Variants in CSMD1 observed in about 807,000 individuals in gnomAD.
CSMD1 encodes the protein CUB and Sushi multiple domains 1.
Under a neutral mutation model 417.5 loss-of-function variants are expected in CSMD1, and 213 were observed. The observed-to-expected ratio is 0.51, with a 90% CI of 0.46 to 0.57. The LOEUF (loss-of-function observed/expected upper bound fraction) is 0.57. Ranked by LOEUF, CSMD1 falls within the 20% of genes least tolerant of loss-of-function variation. The pLI is 0.00. For synonymous variants in CSMD1, 2,862 were observed against 1,736.8 expected, an observed-to-expected ratio of 1.65 and a Z score of -16.11; for missense variants, 6,923 against 4,529.7, an observed-to-expected ratio of 1.53 and a Z score of -15.17.
At chr8:3,294,102 G>C (rs1378600585) in intron 25 of CSMD1, among the ~76,000 whole-genome samples, 3 of 152,204 alleles carry the variant, frequency 2.0e-5, no homozygotes, top group East Asian at 1.9e-4. Flanking sequence ...TCCGGACCCT[G>C]TTTGCCTGGG....
intron 3 of CSMD1, among the ~76,000 whole-genome samples, chr8:4,214,124 GT>G (rs778863688): frequency 1.4e-5 from 2 of 144,930 alleles, no homozygotes; most frequent in African/African-American, 5.8e-5. Flanking sequence ...TTTTTTGTTT[GT>G]TTTGTTTTGG....
At chr8:3,732,544 G>C (rs1377118139) in intron 6 of CSMD1, among the ~76,000 whole-genome samples, 1 of 152,152 alleles carries the variant, frequency 6.6e-6, no homozygotes, top group Non-Finnish European at 1.5e-5. Context: ...TAATTTCTTA[G>C]TACATTCTAC....
At chr8:3,354,802 T>C (rs929348936) in intron 21 of CSMD1, among the ~76,000 whole-genome samples, 1 of 129,840 alleles carries the variant, frequency 7.7e-6, no homozygotes, top group Non-Finnish European at 1.7e-5. Flanking sequence ...CACTAAACTC[T>C]CTCTCTCTCT....
At chr8:4,715,577 G>A (rs4875114) in intron 1 of CSMD1, among the ~76,000 whole-genome samples, 67,126 of 151,810 alleles carry the variant, frequency 0.44, 15,077 homozygotes, top group Admixed American at 0.57. Context: ...ACTTCTCTGC[G>A]GATGCCTCAC....
intron 10 of CSMD1, among the ~76,000 whole-genome samples, chr8:3,574,036 T>A (rs1248901404): frequency 6.6e-6 from 1 of 152,166 alleles, no homozygotes; most frequent in Non-Finnish European, 1.5e-5. Context: ...AGATTTAAAA[T>A]GTAGTAACAT....
intron 8 of CSMD1, among the ~76,000 whole-genome samples, chr8:3,590,295 G>T (rs1308710609): frequency 6.6e-6 from 1 of 151,952 alleles, no homozygotes; most frequent in Admixed American, 6.6e-5. Flanking sequence ...ATTTTTTCCT[G>T]ATTCTATTAC....
intron 7 of CSMD1, among the ~76,000 whole-genome samples, chr8:3,668,530 G>A (rs1798822390): frequency 1.3e-5 from 2 of 152,154 alleles, no homozygotes; most frequent in Admixed American, 1.3e-4. Context: ...TGTACACCTT[G>A]GTCCTATTCC....
At chr8:3,347,321 G>T (rs1808078608) in intron 22 of CSMD1, among the ~76,000 whole-genome samples, 1 of 152,208 alleles carries the variant, frequency 6.6e-6, no homozygotes, top group African/African-American at 2.4e-5. Context: ...CAGGAGAGGT[G>T]AAAATTATAT....
At chr8:4,367,454 T>G (rs571309643) in intron 3 of CSMD1, among the ~76,000 whole-genome samples, 1 of 152,338 alleles carries the variant, frequency 6.6e-6, no homozygotes, top group South Asian at 2.1e-4. Flanking sequence ...ATGTTTTGAT[T>G]AATGTAGTCC....
chr8:4,460,835 T>C (rs1018480820), intron 2 of CSMD1, among the ~76,000 whole-genome samples: 3 of 152,202 alleles, frequency 2.0e-5, no homozygotes, highest in Non-Finnish European at 1.5e-5. Context: ...TGGTGAATTC[T>C]ACCAAACATT....
intron 3 of CSMD1, among the ~76,000 whole-genome samples, chr8:4,283,699 G>GCACA (rs1333331588): frequency 6.6e-6 from 1 of 152,054 alleles, no homozygotes; most frequent in Non-Finnish European, 1.5e-5. Context: ...TTTTTGAGAA[G>GCACA]CACACACTTT....
Position 3,317,311 on chromosome 8 carries a change from C to T in CSMD1, c.3632-8808G>A, listed in dbSNP as rs1043921660. Among the ~76,000 whole-genome samples the T allele has an allele frequency of 3.3e-5, 5 of 152,146 alleles. No homozygotes were observed. In the East Asian group the frequency reaches 5.8e-4, roughly 18 times the overall value. ...TGTTAGGAGCATGAGGAGCACAGAG[C>T]GAGACAATCTCAGTCCTTATGGAGT... On this transcript the variant is annotated intron_variant, in intron 23 of 69. Coordinates refer to ENST00000635120, the MANE Select transcript of CSMD1 (RefSeq NM_033225.6).
chr8:4,397,746 A>G (rs1045599514), intron 3 of CSMD1, among the ~76,000 whole-genome samples: 47 of 152,246 alleles, frequency 3.1e-4, no homozygotes, highest in African/African-American at 1.1e-3. Flanking sequence ...ATATGTTTGA[A>G]TAACAAAGAC....
chr8:3,726,601 G>C (rs945999213), intron 6 of CSMD1, among the ~76,000 whole-genome samples: 1 of 152,188 alleles, frequency 6.6e-6, no homozygotes. Flanking sequence ...TTCATGTGAA[G>C]TTCCCTGTGT....
intron 1 of CSMD1, among the ~76,000 whole-genome samples, chr8:4,839,107 A>G (rs780298544): frequency 6.6e-6 from 1 of 152,022 alleles, no homozygotes; most frequent in African/African-American, 2.4e-5. Context: ...TCAGTTTCCC[A>G]CCTCAAACTC....
intron 32 of CSMD1, among the ~76,000 whole-genome samples, chr8:3,201,337 C>G (rs771752160): frequency 1.3e-5 from 2 of 152,070 alleles, no homozygotes; most frequent in Non-Finnish European, 2.9e-5. Context: ...AGTTGATTAT[C>G]CCACCCTCTT....
chr8:3,262,392 TC>T (rs1456209042), intron 26 of CSMD1, among the ~76,000 whole-genome samples: 1 of 151,262 alleles, frequency 6.6e-6, no homozygotes, highest in African/African-American at 2.4e-5. Context: ...GATGACAGTA[TC>T]CATTTTCAGC....
At chr8:3,229,190 T>C (rs575173107) in intron 27 of CSMD1, among the ~76,000 whole-genome samples, 1 of 152,226 alleles carries the variant, frequency 6.6e-6, no homozygotes, top group South Asian at 2.1e-4. Flanking sequence ...CTATGCAAAA[T>C]GGCCTATCCA....
At position 3,746,396 on chromosome 8, in the gene CSMD1, A is replaced by G. The variant is rs955411952; in HGVS notation, c.931+7534T>C. ...TACTGGATACCATTGTTGGCCCCCA[A>G]TTATCCAATGTCAACCACATTTCAA... On this transcript the variant is annotated intron_variant, in intron 6 of 69. Transcript: ENST00000635120. 3.3e-5 allele frequency among the ~76,000 whole-genome samples: 5 copies of G among 152,234 alleles called. No homozygotes were observed. The South Asian group carries it at 6.2e-4, about 19-fold the overall frequency.
Sources: allele counts gnomAD v4.1 joint callset (sites outside exome capture counted in the v4.1 genomes callset), GRCh38; gene constraint gnomAD v4.1.1; transcripts MANE v1.5; gene names NCBI Gene and HGNC (gene_info 2026-07-23, HGNC 2026-07-21).